VPS13B: variants seen among roughly 807,000 people sequenced by gnomAD.
VPS13B encodes vacuolar protein sorting 13 homolog B.
VPS13B carries 285 observed loss-of-function variants against 426.4 expected under a neutral mutation model. The ratio of observed to expected loss-of-function variants is 0.67; its 90% confidence interval spans 0.61 to 0.74. The LOEUF (loss-of-function observed/expected upper bound fraction) is 0.74, where lower values mean the gene tolerates loss of function less well. Among genes scored for constraint, VPS13B ranks in the 30% least tolerant of loss-of-function variants. VPS13B has a pLI of 0.00. For synonymous variants in VPS13B, 1,676 were observed against 1,676.4 expected (o/e 1.00, Z 0.01); for missense variants, 4,537 against 4,782.6 (o/e 0.95, Z 1.51).
At chr8:99,812,703 A>G (rs1813780795) in intron 44 of VPS13B, among the ~76,000 whole-genome samples, 1 of 152,070 alleles carries the variant, frequency 6.6e-6, no homozygotes, top group African/African-American at 2.4e-5. Context: ...TGTTGAAGAA[A>G]CCTTTACTAC....
At chr8:99,576,676 A>C (rs1476497613) in intron 32 of VPS13B, among the ~76,000 whole-genome samples, 2 of 152,166 alleles carry the variant, frequency 1.3e-5, no homozygotes, top group African/African-American at 4.8e-5. Context: ...CATTGTCCAC[A>C]TGCACATCAT....
chr8:99,058,476 T>C (rs1844005346), intron 3 of VPS13B, among the ~76,000 whole-genome samples: 1 of 151,974 alleles, frequency 6.6e-6, no homozygotes, highest in Non-Finnish European at 1.5e-5. Flanking sequence ...GTATTTCTAC[T>C]ATGGTAAATA....
chr8:99,399,898 A>G (rs555742947), intron 21 of VPS13B, among the ~76,000 whole-genome samples: 24 of 152,326 alleles, frequency 1.6e-4, no homozygotes, highest in Admixed American at 3.9e-4. Context: ...TTTAACATAC[A>G]TATAATGTCC....
At chr8:99,096,075 T>TA (rs1440895446) in intron 3 of VPS13B, among the ~76,000 whole-genome samples, 3 of 152,200 alleles carry the variant, frequency 2.0e-5, no homozygotes, top group Non-Finnish European at 2.9e-5. Context: ...TTTGTTTTGA[T>TA]ATCAGCTAAA....
Position 99,552,102 on chromosome 8 carries a change from T to C in VPS13B, c.4746-4348T>C, listed in dbSNP as rs193209699. Among the ~76,000 whole-genome samples, 31 of 152,134 alleles carry C rather than the reference T, an allele frequency of 2.0e-4. No homozygotes were observed. The East Asian group carries it at 5.0e-3, about 25-fold the overall frequency. Reference sequence around the variant, plus strand: ...CTTTGGATTAAATTCTGGATTTCATTGGACCTTTCTTTTAATTCACTATCA... The same window carrying C: ...CTTTGGATTAAATTCTGGATTTCATCGGACCTTTCTTTTAATTCACTATCA... On this transcript the variant is annotated intron_variant, in intron 30 of 61. Transcript: ENST00000357162.
chr8:99,706,400 A>G (rs567577244), intron 36 of VPS13B, among the ~76,000 whole-genome samples: 8 of 152,262 alleles, frequency 5.3e-5, no homozygotes, highest in African/African-American at 1.9e-4. Context: ...TACACAGCCC[A>G]CATGTGTCCA....
chr8:99,864,810 C>G (rs763252148), intron 58 of VPS13B, among the ~76,000 whole-genome samples: 1 of 152,320 alleles, frequency 6.6e-6, no homozygotes, highest in East Asian at 1.9e-4. Context: ...GGTCAAACCT[C>G]CAGCAAGGAC....
At chr8:99,344,202 A>G (rs1368529178) in intron 19 of VPS13B, among the ~76,000 whole-genome samples, 1 of 152,222 alleles carries the variant, frequency 6.6e-6, no homozygotes, top group Non-Finnish European at 1.5e-5. Flanking sequence ...AAAATGCATA[A>G]TGAGGAAAGG....
chr8:99,241,546 G>A (rs1436931926), intron 17 of VPS13B: 1 of 152,080 alleles, frequency 6.6e-6, no homozygotes, highest in East Asian at 1.9e-4. Flanking sequence ...TGAAAGGATG[G>A]TGCACTTTTG....
intron 19 of VPS13B, among the ~76,000 whole-genome samples, chr8:99,288,724 G>A (rs1819569568): frequency 6.6e-6 from 1 of 151,958 alleles, no homozygotes; most frequent in African/African-American, 2.4e-5. Flanking sequence ...TAAATAAAAT[G>A]TGTCTTCTTT....
chr8:99,323,305 T>G (rs1810078228), intron 19 of VPS13B, among the ~76,000 whole-genome samples: 1 of 152,174 alleles, frequency 6.6e-6, no homozygotes, highest in South Asian at 2.1e-4. Context: ...ACAGTGACTC[T>G]TAGGAAAGTT....
intron 35 of VPS13B, among the ~76,000 whole-genome samples, chr8:99,699,152 T>TG (rs1278799916): frequency 6.7e-6 from 1 of 148,258 alleles, no homozygotes; most frequent in East Asian, 1.9e-4. Context: ...TTTTTTTTTT[T>TG]TTTGAAGAAA....
At chr8:99,134,115 T>G (rs567212560) in intron 8 of VPS13B, among the ~76,000 whole-genome samples, 1 of 152,318 alleles carries the variant, frequency 6.6e-6, no homozygotes, top group East Asian at 1.9e-4. Context: ...GTCTATGAGA[T>G]TTAGTAGGAA....
rs529476662 is a variant in VPS13B at position 99,391,713 on chromosome 8, C to G, written c.3082+9C>G. ...AACAAAAACGGTAACAGGTATGTGTCAAGTACTGTAAAGGGACTATGATTG... is the reference window on the plus strand; with the variant it reads ...AACAAAAACGGTAACAGGTATGTGTGAAGTACTGTAAAGGGACTATGATTG... On this transcript the variant is annotated intron_variant, in intron 21 of 61. Coordinates refer to ENST00000357162, the MANE Select transcript of VPS13B (RefSeq NM_152564.5). The G allele has an allele frequency of 3.6e-5, 58 of 1,613,690 alleles. No homozygotes were observed. Among genetic ancestry groups the G allele is most frequent in the South Asian group, 3.3e-4 (30 of 90,996 alleles).
rs541799215 is a variant in VPS13B, at chr8:99,437,405, A to T, written c.3211-4996A>T. On this transcript the variant is annotated intron_variant, in intron 22 of 61. Coordinates refer to ENST00000357162, the MANE Select transcript of VPS13B (RefSeq NM_152564.5). The stretch of plus-strand genomic sequence containing the variant: ...GTAGTCTTGGACAGTCTTTTTTTTT[A>T]AAAAAAAATATATATATATATGAAC... 3.5e-3 allele frequency among the ~76,000 whole-genome samples: 513 copies of T among 146,592 alleles called. 7 individuals carry two copies. Among genetic ancestry groups the T allele is most frequent in the South Asian group, 0.021 (100 of 4,748 alleles).
intron 17 of VPS13B, among the ~76,000 whole-genome samples, chr8:99,261,811 A>G (rs1369019272): frequency 6.6e-6 from 1 of 152,168 alleles, no homozygotes; most frequent in African/African-American, 2.4e-5. Flanking sequence ...GACATGTAGG[A>G]GAGATTGTGA....
At chr8:99,590,455 TTTCTC>T (rs1321254808) in intron 33 of VPS13B, among the ~76,000 whole-genome samples, 1 of 152,230 alleles carries the variant, frequency 6.6e-6, no homozygotes, top group Admixed American at 6.5e-5. Context: ...TCTTTCCTGA[TTTCTC>T]TTGTGGGCAT....
chr8:99,429,827 C>G lies in VPS13B; in HGVS notation c.3083-1710C>G, dbSNP rs73287872. Among the ~76,000 whole-genome samples the G allele has an allele frequency of 2.3e-3, 352 of 152,262 alleles. No individual in the cohort carries two copies. The Middle Eastern group carries it at 0.027, about 12-fold the overall frequency. ...AAACACATATTCAACAATGTCATGA[C>G]TATATTCAGAATCTGTTATTCTGTC... On this transcript the variant is annotated intron_variant, in intron 21 of 61. Coordinates refer to ENST00000357162, the MANE Select transcript of VPS13B (RefSeq NM_152564.5).
rs1030923513 is a variant in VPS13B at position 99,132,486 on chromosome 8, C to T, written c.1207-2146C>T. ...AGGGTTAAAATCAACTTCTTTCAAG[C>T]TCTTGTTAATGTGGATAGTTTGACC... On this transcript the variant is annotated intron_variant, in intron 8 of 61. Coordinates refer to ENST00000357162, the MANE Select transcript of VPS13B (RefSeq NM_152564.5). 1.6e-4 allele frequency among the ~76,000 whole-genome samples: 25 copies of T among 152,236 alleles called. 1 individual carries two copies. The highest frequency in any genetic ancestry group is 5.8e-4 in the African/African-American group (24 of 41,518).
Sources: gnomAD v4.1 joint callset for allele counts (sites outside exome capture counted in the v4.1 genomes callset) on GRCh38, gnomAD v4.1.1 for gene constraint, MANE v1.5 for transcripts, NCBI Gene and HGNC (gene_info 2026-07-23, HGNC 2026-07-21) for gene names.